AFF3: variants seen among roughly 807,000 people sequenced by gnomAD.
AFF3 encodes the protein ALF transcription elongation factor 3.
Under a neutral mutation model 129.7 loss-of-function variants are expected in AFF3, and 32 were observed. The observed-to-expected ratio is 0.25, with a 90% CI of 0.19 to 0.33. AFF3 has a LOEUF of 0.33. Ranked by LOEUF, AFF3 falls within the 10% of genes least tolerant of loss-of-function variation. The pLI is 1.00. For missense variants in AFF3, 1,373 were observed against 1,592.0 expected (o/e 0.86, Z 2.34); for synonymous variants, 644 against 635.4 (o/e 1.01, Z -0.20).
chr2:100,107,137 T>A lies in AFF3; in HGVS notation c.-144-1554A>T, dbSNP rs1171493373. On this transcript the variant is annotated intron_variant, in intron 2 of 24. Transcript: ENST00000672756. Reference sequence around the variant, plus strand: ...GATTATTTCCAGTGTTATGTTTTCATGTAATAGTGTCTTGGAGAATGAGGA... The same window carrying A: ...GATTATTTCCAGTGTTATGTTTTCAAGTAATAGTGTCTTGGAGAATGAGGA... The A allele has an allele frequency of 4.1e-6, 4 of 985,344 alleles. No homozygotes were observed. The African/African-American group carries it at 5.2e-5, about 13-fold the overall frequency. The allele number at this position is 985,344 out of a possible 1,614,324, so 61.0% of individuals were successfully genotyped here. A position where few individuals can be genotyped will look rare whatever the true frequency, so the allele number is the denominator to read the frequency against.
Position 99,578,395 on chromosome 2 carries a change from C to T in AFF3, c.2850G>A (p.Thr950=), listed in dbSNP as rs762823547. ...NIPLHKSRPQ[T]KPWSPGSNGH... ...CGTTGGAGCCTGGAGACCACGGCTT[C>T]GTCTGCGGCCGTGACTTGTGGAGGG... Residue 950 remains threonine, a synonymous_variant, in exon 18 of 25, where the codon ACG becomes ACA. Coordinates refer to ENST00000672756, the MANE Select transcript of AFF3 (RefSeq NM_001386135.1). 9.3e-6 allele frequency: 15 copies of T among 1,611,042 alleles called. No homozygotes were observed. The highest frequency in any genetic ancestry group is 4.5e-5 in the East Asian group (2 of 44,770).
chr2:100,140,919 C>T (rs1173547626), intron 1 of AFF3, among the ~76,000 whole-genome samples: 1 of 152,170 alleles, frequency 6.6e-6, no homozygotes, highest in Non-Finnish European at 1.5e-5. Context: ...CCACCTTTCA[C>T]CTTTCCCAAA....
intron 10 of AFF3, among the ~76,000 whole-genome samples, chr2:99,730,610 T>G (rs1679746537): frequency 6.7e-6 from 1 of 150,086 alleles, no homozygotes; most frequent in African/African-American, 2.5e-5. Flanking sequence ...GCCTCCTGGG[T>G]TCAAAGCGAT....
intron 13 of AFF3, among the ~76,000 whole-genome samples, chr2:99,610,696 A>G (rs550226006): frequency 5.3e-5 from 8 of 152,172 alleles, no homozygotes; most frequent in Non-Finnish European, 7.3e-5. Flanking sequence ...TCTCTGGGAC[A>G]CTGCTTCCGG....
chr2:99,698,375 A>C (rs1311140532), intron 11 of AFF3, among the ~76,000 whole-genome samples: 1 of 152,216 alleles, frequency 6.6e-6, no homozygotes, highest in Non-Finnish European at 1.5e-5. Flanking sequence ...TAGGCTGTCC[A>C]GCATTGGGGT....
intron 7 of AFF3, among the ~76,000 whole-genome samples, chr2:99,847,760 G>A (rs1342054066): frequency 2.0e-5 from 3 of 151,918 alleles, no homozygotes; most frequent in Non-Finnish European, 2.9e-5. Context: ...GAATTTTCAC[G>A]TAAAACATCA....
chr2:100,139,899 G>A (rs1237219759), intron 1 of AFF3, among the ~76,000 whole-genome samples: 1 of 152,044 alleles, frequency 6.6e-6, no homozygotes, highest in Non-Finnish European at 1.5e-5. Flanking sequence ...TTCAAAAACC[G>A]GAAATCAACT....
intron 11 of AFF3, among the ~76,000 whole-genome samples, chr2:99,689,311 C>T (rs1317530120): frequency 6.6e-6 from 1 of 152,104 alleles, no homozygotes; most frequent in Non-Finnish European, 1.5e-5. Context: ...TGGTCCCAGC[C>T]CTGTAACTCA....
At chr2:99,928,050 G>A (rs539200005) in intron 7 of AFF3, among the ~76,000 whole-genome samples, 1 of 152,208 alleles carries the variant, frequency 6.6e-6, no homozygotes, top group Non-Finnish European at 1.5e-5. Context: ...CACATAAGAT[G>A]TGACTTGCTC....
At chr2:99,999,104 AG>A (rs996921999) in intron 7 of AFF3, among the ~76,000 whole-genome samples, 1 of 152,160 alleles carries the variant, frequency 6.6e-6, no homozygotes. Flanking sequence ...AATCAAACAA[AG>A]GAGAACAAGG....
chr2:99,593,053 T>C, intron 15 of AFF3, 142 bp downstream of exon 15: 1 of 852,734 alleles, frequency 1.2e-6, no homozygotes, highest in Admixed American at 2.9e-5. Flanking sequence ...TAGAAGTGTG[T>C]GTTAGGTAAG....
intron 18 of AFF3, among the ~76,000 whole-genome samples, chr2:99,577,528 A>G (rs1677114627): frequency 1.3e-5 from 2 of 152,214 alleles, no homozygotes; most frequent in South Asian, 4.1e-4. Context: ...AGAGGGCAGA[A>G]GTGCCTATTT....
intron 7 of AFF3, among the ~76,000 whole-genome samples, chr2:99,911,886 T>C (rs141320629): frequency 2.0e-5 from 3 of 152,306 alleles, no homozygotes; most frequent in African/African-American, 7.2e-5. Context: ...AAGCTGTAGG[T>C]GGTAAAGGTT....
intron 7 of AFF3, among the ~76,000 whole-genome samples, chr2:99,980,860 G>T (rs1030930401): frequency 6.6e-6 from 1 of 152,192 alleles, no homozygotes; most frequent in Non-Finnish European, 1.5e-5. Context: ...GAAATGAATA[G>T]CTCATAATGC....
At chr2:99,929,496 T>C (rs1696518068) in intron 7 of AFF3, among the ~76,000 whole-genome samples, 2 of 152,194 alleles carry the variant, frequency 1.3e-5, no homozygotes. Context: ...ATCTTCTTCA[T>C]TTTAATTTTA....
chr2:99,663,116 T>C lies in AFF3; in HGVS notation c.1143+9422A>G, dbSNP rs1686388214. Among the ~76,000 whole-genome samples, 4 of 152,376 alleles carry C rather than the reference T, an allele frequency of 2.6e-5. No homozygotes were observed. In the South Asian group the frequency reaches 8.3e-4, roughly 32 times the overall value. ...CATTTAGTTACTGATTGACATGTACTGTCAATGCTTTCAGACATTTTAAAA... is the reference window on the plus strand; with the variant it reads ...CATTTAGTTACTGATTGACATGTACCGTCAATGCTTTCAGACATTTTAAAA... On this transcript the variant is annotated intron_variant, in intron 12 of 24. Transcript: ENST00000672756.
At chr2:99,696,949 T>C (rs377443570) in intron 11 of AFF3, among the ~76,000 whole-genome samples, 13 of 152,334 alleles carry the variant, frequency 8.5e-5, no homozygotes, top group African/African-American at 3.1e-4. Flanking sequence ...CCTGGCCTGA[T>C]GAAATTCTTG....
intron 8 of AFF3, among the ~76,000 whole-genome samples, chr2:99,801,358 A>G (rs996112838): frequency 5.3e-5 from 8 of 152,212 alleles, no homozygotes; most frequent in African/African-American, 1.9e-4. Flanking sequence ...CTCTAACCTT[A>G]GTCCAAATGC....
intron 4 of AFF3, among the ~76,000 whole-genome samples, chr2:100,061,041 A>T (rs1361323324): frequency 6.6e-6 from 1 of 152,192 alleles, no homozygotes; most frequent in East Asian, 1.9e-4. Context: ...CACTAGACCC[A>T]GATTATGGGT....
Sources: allele counts gnomAD v4.1 joint callset (sites outside exome capture counted in the v4.1 genomes callset), GRCh38; gene constraint gnomAD v4.1.1; transcripts MANE v1.5; gene names NCBI Gene and HGNC (gene_info 2026-07-23, HGNC 2026-07-21).